FLNB: variants seen among roughly 807,000 people sequenced by gnomAD.
FLNB encodes filamin-B.
In FLNB, 111 loss-of-function variants were observed where a neutral mutation model predicts 250.6. That is an observed-to-expected ratio of 0.44 (90% CI 0.38 to 0.52). The LOEUF (loss-of-function observed/expected upper bound fraction) is 0.52, where lower values mean the gene tolerates loss of function less well. FLNB is among the 20% of genes least tolerant of loss of function. FLNB has a pLI of 0.00. For missense variants in FLNB, 2,869 were observed against 3,447.8 expected, an observed-to-expected ratio of 0.83 and a Z score of 4.20; for synonymous variants, 1,302 against 1,372.1, an observed-to-expected ratio of 0.95 and a Z score of 1.13.
intron 1 of FLNB, among the ~76,000 whole-genome samples, chr3:58,014,362 G>A (rs1367225121): frequency 6.6e-6 from 1 of 152,196 alleles, no homozygotes; most frequent in Non-Finnish European, 1.5e-5. Context: ...TTGTTTCCAA[G>A]CTGGACAGGG....
In FLNB at chr3:58,123,646, A is replaced by G; in HGVS notation, c.3680A>G (p.Asp1227Gly). The G allele has an allele frequency of 6.2e-7, 1 of 1,611,328 alleles. No homozygotes were observed. Among genetic ancestry groups the G allele is most frequent in the Non-Finnish European group, 8.5e-7 (1 of 1,179,816 alleles). The change falls in exon 21 of 46, where the codon GAC becomes GGC. Residue 1227 changes from aspartate (D) to glycine (G), a missense_variant. Asp to Gly is a moderately conservative substitution (Grantham distance 94). Coordinates refer to ENST00000295956, the MANE Select transcript of FLNB (RefSeq NM_001457.4). The part of the protein sequence containing the change: ...PARVKVEPAV[D>G]TSRIKVFGPG... ...CGGGTCAAGGTGGAGCCCGCCGTGGACACCAGCAGGATCAAAGTCTTTGGA... is the reference window on the plus strand; with the variant it reads ...CGGGTCAAGGTGGAGCCCGCCGTGGGCACCAGCAGGATCAAAGTCTTTGGA...
rs1042477906 is a variant in FLNB at position 58,106,953 on chromosome 3, G to C, written c.1941+80G>C. The C allele has an allele frequency of 4.5e-6, 5 of 1,103,244 alleles. No individual in the cohort carries two copies. In the African/African-American group the frequency reaches 7.7e-5, roughly 17 times the overall value. The allele number at this position is 1,103,244 out of a possible 1,614,324, so 68.3% of individuals were successfully genotyped here. On this transcript the variant is annotated intron_variant, in intron 12 of 45. Coordinates refer to ENST00000295956, the MANE Select transcript of FLNB (RefSeq NM_001457.4). ...CCCATGCCCGAAGTTGCCTTAAGCAGCATGTTGAGAGATGGCAGAGAGGAA... is the reference window on the plus strand; with the variant it reads ...CCCATGCCCGAAGTTGCCTTAAGCACCATGTTGAGAGATGGCAGAGAGGAA...
intron 11 of FLNB, 29 bp from the exon 12 acceptor site, chr3:58,106,650 CA>C: frequency 6.2e-7 from 1 of 1,606,194 alleles, no homozygotes; most frequent in Non-Finnish European, 8.5e-7. Context: ...ACCATATAAC[CA>C]GGGAGACCCT....
At chr3:58,141,391 C>T (rs773997540) in intron 29 of FLNB, among the ~76,000 whole-genome samples, 18 of 152,230 alleles carry the variant, frequency 1.2e-4, no homozygotes, top group Non-Finnish European at 2.5e-4. Context: ...TGCCTGGGGT[C>T]ACACCGTACA....
intron 8 of FLNB, among the ~76,000 whole-genome samples, chr3:58,101,338 A>C (rs1240589886): frequency 6.6e-6 from 1 of 152,184 alleles, no homozygotes; most frequent in Non-Finnish European, 1.5e-5. Flanking sequence ...CCACTTAATA[A>C]CATGACATTT....
At position 58,035,754 on chromosome 3, in the gene FLNB, T is replaced by C. The variant is rs2097137196; in HGVS notation, c.292+26898T>C. On this transcript the variant is annotated intron_variant, in intron 1 of 45. Transcript: ENST00000295956. ...AGGAGGAAAGTGGAAGTTTTGAGAA[T>C]TCCTAGTTGGACAGAATGCCTCTTG... 1.3e-5 allele frequency among the ~76,000 whole-genome samples: 2 copies of C among 152,172 alleles called. 1 individual carries two copies. Among genetic ancestry groups the C allele is most frequent in the South Asian group, 4.1e-4 (2 of 4,828 alleles).
At chr3:58,105,935 T>C (rs2097258825) in intron 11 of FLNB, among the ~76,000 whole-genome samples, 1 of 152,248 alleles carries the variant, frequency 6.6e-6, no homozygotes. Context: ...AATCGTCTTG[T>C]ATATTCTTAG....
intron 8 of FLNB, among the ~76,000 whole-genome samples, chr3:58,099,139 T>A (rs1158062340): frequency 6.6e-6 from 1 of 152,168 alleles, no homozygotes; most frequent in African/African-American, 2.4e-5. Context: ...ACTCATTTAC[T>A]TCTCTCCAAA....
At chr3:58,085,152 T>C (rs1468499957) in intron 4 of FLNB, among the ~76,000 whole-genome samples, 2 of 152,262 alleles carry the variant, frequency 1.3e-5, no homozygotes, top group Admixed American at 1.3e-4. Context: ...GGTGTACAAG[T>C]GCTGTTTGAG....
chr3:58,052,684 G>A (rs951975689), intron 1 of FLNB, among the ~76,000 whole-genome samples: 11 of 152,222 alleles, frequency 7.2e-5, no homozygotes, highest in African/African-American at 2.4e-4. Flanking sequence ...CACAGCTTGC[G>A]GGCTGGCTGA....
At chr3:58,112,115 G>A (rs1279866110) in intron 17 of FLNB, 34 bp from the exon 18 acceptor site, 2 of 1,607,232 alleles carry the variant, frequency 1.2e-6, no homozygotes, top group East Asian at 4.5e-5. Context: ...ACTCCAGCTG[G>A]TCTGTCTCCT....
chr3:58,122,168 C>CA (rs546747097), intron 20 of FLNB, among the ~76,000 whole-genome samples: 865 of 65,650 alleles, frequency 0.013, 10 homozygotes, highest in African/African-American at 0.026. Flanking sequence ...GACTCCGTCT[C>CA]AAAAAAAAAA....
intron 1 of FLNB, among the ~76,000 whole-genome samples, chr3:58,046,368 C>T (rs72882423): frequency 0.02 from 2,978 of 152,198 alleles, 95 homozygotes; most frequent in African/African-American, 0.067. Flanking sequence ...ATATAACTCA[C>T]ACACCATAAA....
At chr3:58,093,826 G>C (rs1443553425) in intron 4 of FLNB, among the ~76,000 whole-genome samples, 1 of 152,068 alleles carries the variant, frequency 6.6e-6, no homozygotes, top group African/African-American at 2.4e-5. Flanking sequence ...CAACAACCTG[G>C]GTGAACCTGT....
rs78943929 is a variant in FLNB at position 58,122,863 on chromosome 3, G to A, written c.3127-230G>A. Among the ~76,000 whole-genome samples, 571 of 152,264 alleles carry A rather than the reference G, an allele frequency of 3.8e-3. 5 individuals are homozygous for A. The highest frequency in any genetic ancestry group is 0.013 in the African/African-American group (530 of 41,558). On this transcript the variant is annotated intron_variant, in intron 20 of 45. Coordinates refer to ENST00000295956, the MANE Select transcript of FLNB (RefSeq NM_001457.4). ...GAGAGTCTTGGAGGGGCTGCTCCAT[G>A]GGGGTCACACCTCTCTCCTGTGGGT...
chr3:58,008,467 G>A lies in FLNB; in HGVS notation c.-98G>A. On this transcript the variant is annotated 5_prime_UTR_variant, in exon 1 of 46. Transcript: ENST00000295956. The stretch of plus-strand genomic sequence containing the variant: ...TCCGGTAGCAGCAAGTTCGAACCCC[G>A]CTCCCGCTCCGCTTCGGTTCTCGCT... 2 of 1,425,568 alleles carry A rather than the reference G, an allele frequency of 1.4e-6. No individual in the cohort carries two copies. The highest frequency in any genetic ancestry group is 9.6e-7 in the Non-Finnish European group (1 of 1,036,552). 88.3% of individuals were successfully genotyped at this position (1,425,568 alleles called of 1,614,324 possible).
intron 2 of FLNB, chr3:58,078,223 A>G: frequency 2.3e-6 from 3 of 1,311,358 alleles, no homozygotes; most frequent in Non-Finnish European, 1.9e-6. Context: ...ACATTTTAGG[A>G]TACCTCTTTC....
intron 7 of FLNB, 129 bp downstream of exon 7, chr3:58,098,106 T>C: frequency 9.9e-7 from 1 of 1,007,372 alleles, no homozygotes; most frequent in Non-Finnish European, 1.5e-6. Flanking sequence ...AGACAATTTT[T>C]TCAAATGTGT....
chr3:58,064,887 C>G (rs1438896619), intron 1 of FLNB, among the ~76,000 whole-genome samples: 1 of 152,078 alleles, frequency 6.6e-6, no homozygotes, highest in Non-Finnish European at 1.5e-5. Context: ...CAGACACACA[C>G]ACACTGGCTA....
Sources: allele counts gnomAD v4.1 joint callset (sites outside exome capture counted in the v4.1 genomes callset), GRCh38; gene constraint gnomAD v4.1.1; transcripts MANE v1.5; gene names NCBI Gene and HGNC (gene_info 2026-07-23, HGNC 2026-07-21).